The following INTS4 variants were observed in gnomAD, a reference collection of about 807,000 sequenced individuals.
INTS4 encodes the protein MSTP093.
A neutral mutation model predicts 119.5 loss-of-function variants in INTS4; 70 were observed. That is an observed-to-expected ratio of 0.59 (90% confidence interval 0.48 to 0.71). INTS4 has a LOEUF of 0.71. Ranked by LOEUF, INTS4 falls within the 30% of genes least tolerant of loss-of-function variation. The probability of loss-of-function intolerance (pLI) is 0.00; values close to 1 mark genes in which losing one functional copy is unlikely to be tolerated. For synonymous variants in INTS4, 316 were observed against 419.6 expected (o/e 0.75, Z 3.02); for missense variants, 867 against 1,173.2 (o/e 0.74, Z 3.81).
intron 2 of INTS4, among the ~76,000 whole-genome samples, chr11:77,990,446 G>T (rs1473471442): frequency 6.6e-6 from 1 of 152,024 alleles, no homozygotes; most frequent in African/African-American, 2.4e-5. Context: ...AACACTTTGG[G>T]AGGCCAAGGT....
At chr11:77,939,501 T>G (rs1953878343) in intron 9 of INTS4, among the ~76,000 whole-genome samples, 1 of 152,008 alleles carries the variant, frequency 6.6e-6, no homozygotes, top group Non-Finnish European at 1.5e-5. Context: ...AACATTGCGT[T>G]CTATTTCAGC....
chr11:77,891,647 A>C lies in INTS4; in HGVS notation c.2448+34T>G, dbSNP rs750570849. 1.1e-5 allele frequency: 17 copies of C among 1,609,080 alleles called. No homozygotes were observed. The East Asian group carries it at 3.6e-4, about 34-fold the overall frequency. ...GGTAAAGATTTTTGACCGTCTGGAC[A>C]GATTTGGCCTACAGGGGCCAAATAG... On this transcript the variant is annotated intron_variant, in intron 20 of 22. Transcript: ENST00000534064.
chr11:77,888,094 A>AAAAAGGAACCC (rs1443798878), intron 21 of INTS4, among the ~76,000 whole-genome samples: 2 of 152,214 alleles, frequency 1.3e-5, no homozygotes, highest in Non-Finnish European at 2.9e-5. Flanking sequence ...ATATGGAACC[A>AAAAAGGAACCC]AAAAAGAGCC....
chr11:77,912,146 G>A (rs1953101631), intron 15 of INTS4, among the ~76,000 whole-genome samples: 1 of 152,058 alleles, frequency 6.6e-6, no homozygotes, highest in Non-Finnish European at 1.5e-5. Flanking sequence ...TGGATTGCCT[G>A]AGCTCAGGAG....
At position 77,940,663 on chromosome 11, in the gene INTS4, G is replaced by T. The variant is rs544817161; in HGVS notation, c.990+517C>A. ...TTTGGGTTTTGTTTTTTGAGACAGA[G>T]TCCCACTCTGTTGCCTAGGCTGGAG... On this transcript the variant is annotated intron_variant, in intron 9 of 22. Coordinates refer to ENST00000534064, the MANE Select transcript of INTS4 (RefSeq NM_033547.4). 8.5e-5 allele frequency among the ~76,000 whole-genome samples: 13 copies of T among 152,224 alleles called. No homozygotes were observed. The South Asian group carries it at 1.5e-3, about 17-fold the overall frequency.
At chr11:77,960,448 G>T in intron 5 of INTS4, 57 bp from the exon 6 acceptor site, 1 of 1,252,784 alleles carries the variant, frequency 8.0e-7, no homozygotes. Flanking sequence ...TATTTCCAAT[G>T]TCTCCCCACA....
chr11:77,972,251 A>G (rs570677856), intron 4 of INTS4, among the ~76,000 whole-genome samples: 3 of 151,932 alleles, frequency 2.0e-5, no homozygotes, highest in Admixed American at 6.6e-5. Context: ...GGCACACACC[A>G]CCATTCGTGG....
At chr11:77,984,946 T>C (rs1449069268) in intron 2 of INTS4, among the ~76,000 whole-genome samples, 2 of 149,994 alleles carry the variant, frequency 1.3e-5, no homozygotes, top group Non-Finnish European at 3.0e-5. Context: ...AGAGAGCATC[T>C]GACCTAGTGA....
chr11:77,925,211 G>C (rs1018076512), intron 11 of INTS4, among the ~76,000 whole-genome samples: 2 of 152,152 alleles, frequency 1.3e-5, no homozygotes, highest in African/African-American at 4.8e-5. Flanking sequence ...GAGAGGCTGG[G>C]AATGGCCAGT....
At chr11:77,938,551 T>G in intron 10 of INTS4, 100 bp downstream of exon 10, 1 of 1,479,566 alleles carries the variant, frequency 6.8e-7, no homozygotes, top group Non-Finnish European at 9.0e-7. Context: ...AGAGTTACTG[T>G]GAGGACTAAA....
intron 15 of INTS4, among the ~76,000 whole-genome samples, chr11:77,910,139 C>G (rs1427052163): frequency 6.6e-6 from 1 of 152,162 alleles, no homozygotes; most frequent in Non-Finnish European, 1.5e-5. Context: ...AAGACACATG[C>G]ACGCATATGT....
chr11:77,938,487 C>T (rs527365343), intron 10 of INTS4, among the ~76,000 whole-genome samples, 164 bp downstream of exon 10: 1 of 152,288 alleles, frequency 6.6e-6, no homozygotes, highest in East Asian at 1.9e-4. Flanking sequence ...TCTCATACTA[C>T]TGGGGCCTCA....
intron 18 of INTS4, among the ~76,000 whole-genome samples, chr11:77,896,855 C>A (rs1468606477): frequency 6.7e-6 from 1 of 149,344 alleles, no homozygotes; most frequent in African/African-American, 2.5e-5. Context: ...TTCAAACTCC[C>A]ACCGAAGATC....
rs180884241 is a variant in INTS4, at chr11:77,985,448, C to T, written c.247-3872G>A. ...ACTAAAATGTCTTTCCCCCTGTCTTCCAACTGGCCAAAATCTATTTCTAGG... is the reference window on the plus strand; with the variant it reads ...ACTAAAATGTCTTTCCCCCTGTCTTTCAACTGGCCAAAATCTATTTCTAGG... On this transcript the variant is annotated intron_variant, in intron 2 of 22. Coordinates refer to ENST00000534064, the MANE Select transcript of INTS4 (RefSeq NM_033547.4). Among the ~76,000 whole-genome samples, 42 of 152,282 alleles carry T rather than the reference C, an allele frequency of 2.8e-4. No homozygotes were observed. In the East Asian group the frequency reaches 7.7e-3, roughly 28 times the overall value.
chr11:77,964,041 T>C (rs1029414321), intron 4 of INTS4, among the ~76,000 whole-genome samples: 4 of 152,108 alleles, frequency 2.6e-5, no homozygotes, highest in Admixed American at 2.0e-4. Context: ...TCTTTACAAA[T>C]AGGAAAGAAA....
chr11:77,993,816 C>T (rs761235953), intron 1 of INTS4, among the ~76,000 whole-genome samples: 7 of 152,150 alleles, frequency 4.6e-5, no homozygotes, highest in Middle Eastern at 3.4e-3. Flanking sequence ...TCTTGCCTCA[C>T]CTCCTCTGCT....
intron 8 of INTS4, among the ~76,000 whole-genome samples, chr11:77,943,185 C>A (rs1165320612): frequency 6.6e-6 from 1 of 152,130 alleles, no homozygotes; most frequent in Non-Finnish European, 1.5e-5. Flanking sequence ...CCCTCAACTG[C>A]GCGCTCGTCC....
At chr11:77,972,180 C>A (rs1020565578) in intron 4 of INTS4, among the ~76,000 whole-genome samples, 1 of 152,178 alleles carries the variant, frequency 6.6e-6, no homozygotes, top group East Asian at 1.9e-4. Context: ...TCACTGGCAG[C>A]CTCAACCTCC....
At chr11:77,894,235 G>GCTAT (rs1048626887) in intron 19 of INTS4, 55 bp downstream of exon 19, 2 of 889,132 alleles carry the variant, frequency 2.2e-6, no homozygotes, top group Non-Finnish European at 3.7e-6. Context: ...GCCTGCAAGT[G>GCTAT]CTATACTCCA....
Sources: gnomAD v4.1 joint callset for allele counts (sites outside exome capture counted in the v4.1 genomes callset) on GRCh38, gnomAD v4.1.1 for gene constraint, MANE v1.5 for transcripts, NCBI Gene and HGNC (gene_info 2026-07-23, HGNC 2026-07-21) for gene names.